NEGR1: variants seen among roughly 807,000 people sequenced by gnomAD.
The protein encoded by NEGR1 is IgLON family member 4.
NEGR1 carries 10 observed loss-of-function variants against 40.9 expected under a neutral mutation model. That is an observed-to-expected ratio of 0.24 (90% CI 0.15 to 0.42). NEGR1 has a LOEUF of 0.42. NEGR1 is among the 10% of genes least tolerant of loss of function. The pLI is 1.00. For missense variants in NEGR1, 352 were observed against 438.9 expected (o/e 0.80, Z 1.77); for synonymous variants, 185 against 166.8 (o/e 1.11, Z -0.84).
At chr1:72,239,412 CTTG>C (rs1261903046) in intron 1 of NEGR1, among the ~76,000 whole-genome samples, 4 of 151,636 alleles carry the variant, frequency 2.6e-5, no homozygotes, top group Non-Finnish European at 4.4e-5. Context: ...TTGTATTTTA[CTTG>C]TTTTGTTTGA....
chr1:71,902,386 G>A (rs1661165980), intron 2 of NEGR1, among the ~76,000 whole-genome samples: 1 of 152,120 alleles, frequency 6.6e-6, no homozygotes, highest in African/African-American at 2.4e-5. Flanking sequence ...AGAAGTTGAG[G>A]AATTTTGCAT....
At chr1:72,184,505 CAT>C (rs1262212241) in intron 1 of NEGR1, among the ~76,000 whole-genome samples, 1 of 151,982 alleles carries the variant, frequency 6.6e-6, no homozygotes, top group Non-Finnish European at 1.5e-5. Flanking sequence ...GGAAATCACA[CAT>C]GAGAGAACAG....
intron 1 of NEGR1, among the ~76,000 whole-genome samples, chr1:72,052,144 G>T (rs1647067632): frequency 6.6e-6 from 1 of 151,274 alleles, no homozygotes; most frequent in African/African-American, 2.4e-5. Flanking sequence ...TTAATAATTG[G>T]GGAGAGAAAT....
At chr1:72,223,583 A>G (rs972903374) in intron 1 of NEGR1, among the ~76,000 whole-genome samples, 15 of 152,130 alleles carry the variant, frequency 9.9e-5, no homozygotes, top group Admixed American at 6.6e-5. Flanking sequence ...TGCCTATTTT[A>G]TATTGTCTCT....
At chr1:72,245,194 C>T (rs1238545830) in intron 1 of NEGR1, among the ~76,000 whole-genome samples, 2 of 151,952 alleles carry the variant, frequency 1.3e-5, no homozygotes, top group Admixed American at 6.6e-5. Flanking sequence ...CAATATGAAA[C>T]CTACAAAGAA....
intron 4 of NEGR1, among the ~76,000 whole-genome samples, chr1:71,621,941 A>G (rs757619312): frequency 6.6e-6 from 1 of 151,904 alleles, no homozygotes; most frequent in African/African-American, 2.4e-5. Context: ...CATGAAGTGA[A>G]TAAAAGTGCA....
intron 3 of NEGR1, among the ~76,000 whole-genome samples, chr1:71,749,158 A>C (rs1380658978): frequency 6.6e-6 from 1 of 152,202 alleles, no homozygotes; most frequent in East Asian, 1.9e-4. Context: ...GTTCTGATGC[A>C]ATATGGAAGA....
chr1:72,032,561 T>TTGAGTTTCA (rs1209345827), intron 1 of NEGR1, among the ~76,000 whole-genome samples: 1 of 152,190 alleles, frequency 6.6e-6, no homozygotes. Flanking sequence ...AAGTTAATAG[T>TTGAGTTTCA]TGAGTTTCAT....
intron 1 of NEGR1, among the ~76,000 whole-genome samples, chr1:72,201,480 A>G (rs1197716027): frequency 1.3e-5 from 2 of 151,844 alleles, no homozygotes; most frequent in Non-Finnish European, 2.9e-5. Flanking sequence ...TTTAATGGCA[A>G]GTAAATTACA....
chr1:71,499,866 A>G (rs556064214), intron 6 of NEGR1, among the ~76,000 whole-genome samples: 1 of 152,194 alleles, frequency 6.6e-6, no homozygotes, highest in African/African-American at 2.4e-5. Flanking sequence ...TCACCATAAT[A>G]AATGTAATCA....
intron 5 of NEGR1, among the ~76,000 whole-genome samples, chr1:71,607,497 C>T (rs1650107284): frequency 1.3e-5 from 2 of 152,074 alleles, no homozygotes; most frequent in Admixed American, 1.3e-4. Flanking sequence ...CCCAGCTCTG[C>T]CACTAACTGT....
rs1570286267 is a variant in NEGR1, at chr1:71,744,744, T to G, written c.535+31428A>C. Among the ~76,000 whole-genome samples the G allele has an allele frequency of 2.0e-5, 3 of 152,294 alleles. No homozygotes were observed. The East Asian group carries it at 5.8e-4, about 29-fold the overall frequency. On this transcript the variant is annotated intron_variant, in intron 3 of 6. Transcript: ENST00000357731. ...TTTTCACAAGTTCAATCTTAGTTTT[T>G]TAAGAAAAAATTTCATCAATGCCAA...
chr1:71,756,004 T>G (rs1655719898), intron 3 of NEGR1, among the ~76,000 whole-genome samples: 1 of 152,220 alleles, frequency 6.6e-6, no homozygotes, highest in African/African-American at 2.4e-5. Flanking sequence ...TTGAAATCTT[T>G]AAGCCTCAAA....
At chr1:72,244,758 T>C (rs1179855078) in intron 1 of NEGR1, among the ~76,000 whole-genome samples, 1 of 151,998 alleles carries the variant, frequency 6.6e-6, no homozygotes, top group Admixed American at 6.6e-5. Context: ...ATTCTATATG[T>C]CTTTCTATTT....
chr1:72,274,629 G>GC, intron 1 of NEGR1: 1 of 817,338 alleles, frequency 1.2e-6, no homozygotes, highest in Non-Finnish European at 2.2e-6. Flanking sequence ...TTGGAGAACT[G>GC]CCCCAAGGAT....
chr1:72,034,592 A>G (rs537674975), intron 1 of NEGR1, among the ~76,000 whole-genome samples: 2 of 152,284 alleles, frequency 1.3e-5, no homozygotes. Flanking sequence ...TTTGTCCATA[A>G]GAAATTGAAA....
chr1:71,796,251 G>C (rs1418038579), intron 2 of NEGR1, among the ~76,000 whole-genome samples: 1 of 152,006 alleles, frequency 6.6e-6, no homozygotes, highest in Non-Finnish European at 1.5e-5. Flanking sequence ...CAGAGCCTGG[G>C]TCATGTTTCA....
chr1:71,783,796 C>A lies in NEGR1; in HGVS notation c.410-7499G>T, dbSNP rs141527109. Among the ~76,000 whole-genome samples the A allele has an allele frequency of 1.3e-4, 20 of 152,100 alleles. No individual in the cohort carries two copies. The East Asian group carries it at 3.7e-3, about 28-fold the overall frequency. ...CCTTCGTGGGGTCACCTATAAAAAT[C>A]TGGCAAAATAGGCAGTGAACTGTTT... On this transcript the variant is annotated intron_variant, in intron 2 of 6. Coordinates refer to ENST00000357731, the MANE Select transcript of NEGR1 (RefSeq NM_173808.3).
intron 6 of NEGR1, among the ~76,000 whole-genome samples, chr1:71,506,224 A>G (rs1211231857): frequency 6.6e-6 from 1 of 152,200 alleles, no homozygotes; most frequent in Non-Finnish European, 1.5e-5. Context: ...AATTCAGGCA[A>G]TGAAGGAGCT....
Sources: allele counts gnomAD v4.1 joint callset (sites outside exome capture counted in the v4.1 genomes callset), GRCh38; gene constraint gnomAD v4.1.1; transcripts MANE v1.5; gene names NCBI Gene and HGNC (gene_info 2026-07-23, HGNC 2026-07-21).